COMMD1: variants seen among roughly 807,000 people sequenced by gnomAD.
The protein encoded by COMMD1 is COMM domain-containing protein 1.
COMMD1 carries 10 observed loss-of-function variants against 17.2 expected under a neutral mutation model. The observed-to-expected ratio is 0.58, with a 90% CI of 0.36 to 0.99. The LOEUF (loss-of-function observed/expected upper bound fraction) is 0.99. Ranked by LOEUF, COMMD1 falls within the 50% of genes least tolerant of loss-of-function variation. The pLI, the probability that COMMD1 is intolerant of heterozygous loss-of-function variation, is 0.01. For synonymous variants in COMMD1, 97 were observed against 91.6 expected, an observed-to-expected ratio of 1.06 and a Z score of -0.34; for missense variants, 270 against 231.8, an observed-to-expected ratio of 1.17 and a Z score of -1.07.
At chr2:61,944,757 C>T (rs1045200842) in intron 1 of COMMD1, among the ~76,000 whole-genome samples, 1 of 152,098 alleles carries the variant, frequency 6.6e-6, no homozygotes, top group Admixed American at 6.5e-5. Flanking sequence ...ATAAAGAAAA[C>T]AGGACATCCC....
At chr2:61,979,801 G>T (rs1413993254) in intron 1 of COMMD1, among the ~76,000 whole-genome samples, 3 of 147,892 alleles carry the variant, frequency 2.0e-5, no homozygotes, top group African/African-American at 7.5e-5. Flanking sequence ...ACATTGTGCA[G>T]GTTAGTTACA....
chr2:62,048,209 G>A (rs1268051590), intron 2 of COMMD1, among the ~76,000 whole-genome samples: 1 of 142,906 alleles, frequency 7.0e-6, no homozygotes, highest in East Asian at 2.0e-4. Context: ...TTGAGATGGA[G>A]TCTCGCTCTG....
intron 2 of COMMD1, among the ~76,000 whole-genome samples, chr2:62,008,358 A>C (rs1388639786): frequency 1.4e-5 from 2 of 145,738 alleles, no homozygotes; most frequent in Non-Finnish European, 3.0e-5. Flanking sequence ...ACACACACAG[A>C]CAGACACACA....
intron 1 of COMMD1, among the ~76,000 whole-genome samples, chr2:61,896,410 A>G (rs1294611041): frequency 6.6e-6 from 1 of 151,852 alleles, no homozygotes; most frequent in Admixed American, 6.6e-5. Context: ...ACATAGTGAG[A>G]TCCTGTCTCT....
intron 2 of COMMD1, among the ~76,000 whole-genome samples, chr2:62,016,398 C>T (rs1404847111): frequency 4.0e-5 from 6 of 150,294 alleles, no homozygotes; most frequent in Non-Finnish European, 8.9e-5. Context: ...TTTGTAGAGA[C>T]GGGGTTTTGC....
chr2:61,899,828 C>G (rs1669622698), intron 1 of COMMD1, among the ~76,000 whole-genome samples: 1 of 152,120 alleles, frequency 6.6e-6, no homozygotes, highest in Admixed American at 6.6e-5. Context: ...TGTGCCACCC[C>G]ACCCAGCTAA....
At chr2:62,075,075 G>C (rs902589075) in intron 2 of COMMD1, among the ~76,000 whole-genome samples, 3 of 151,840 alleles carry the variant, frequency 2.0e-5, no homozygotes, top group African/African-American at 7.3e-5. Context: ...TTTTAGTAGA[G>C]ACAGGGTTTC....
At chr2:62,033,962 A>T (rs1429147652) in intron 2 of COMMD1, among the ~76,000 whole-genome samples, 1 of 151,874 alleles carries the variant, frequency 6.6e-6, no homozygotes, top group Non-Finnish European at 1.5e-5. Flanking sequence ...TGTAAAAAAA[A>T]TAGCCAGGCT....
At chr2:62,078,852 G>A (rs898429199) in intron 2 of COMMD1, among the ~76,000 whole-genome samples, 2 of 151,672 alleles carry the variant, frequency 1.3e-5, no homozygotes, top group African/African-American at 2.4e-5. Flanking sequence ...ACTCCAGCCT[G>A]GGCAACAGAG....
chr2:61,888,408 G>A, upstream of COMMD1: 2 of 1,613,182 alleles, frequency 1.2e-6, no homozygotes, highest in Non-Finnish European at 1.7e-6. Flanking sequence ...TTGCTGAAGC[G>A]GATCTGGGCT....
chr2:62,073,819 C>T (rs1432712037), intron 2 of COMMD1, among the ~76,000 whole-genome samples: 1 of 152,188 alleles, frequency 6.6e-6, no homozygotes, highest in Non-Finnish European at 1.5e-5. Context: ...CTGCCTCAGC[C>T]TCCGAAGTAG....
chr2:61,967,862 TC>T (rs1671543948), intron 1 of COMMD1, among the ~76,000 whole-genome samples: 1 of 152,216 alleles, frequency 6.6e-6, no homozygotes, highest in Admixed American at 6.5e-5. Context: ...AACATTTTGC[TC>T]TATTTTAAGA....
intron 1 of COMMD1, among the ~76,000 whole-genome samples, chr2:61,952,681 A>G (rs558921463): frequency 6.6e-6 from 1 of 152,300 alleles, no homozygotes; most frequent in African/African-American, 2.4e-5. Context: ...TTTAAGTGAT[A>G]ACTCCAGTTT....
At chr2:61,982,065 A>G (rs534325336) in intron 1 of COMMD1, among the ~76,000 whole-genome samples, 34 of 152,296 alleles carry the variant, frequency 2.2e-4, no homozygotes, top group Admixed American at 9.8e-4. Flanking sequence ...GAATCTGTAG[A>G]TTGCTTTGCA....
intron 2 of COMMD1, chr2:62,055,500 A>G (rs1372104099): frequency 2.2e-6 from 1 of 455,888 alleles, no homozygotes; most frequent in Non-Finnish European, 4.4e-6. Context: ...GCGACCGGCT[A>G]TCCATTGAAG....
At chr2:61,970,575 C>T (rs910095455) in intron 1 of COMMD1, among the ~76,000 whole-genome samples, 3 of 152,054 alleles carry the variant, frequency 2.0e-5, no homozygotes, top group African/African-American at 7.2e-5. Flanking sequence ...AAGTTTGGTA[C>T]ATGTTTATTA....
At chr2:62,009,932 T>G (rs1464078931) in intron 2 of COMMD1, among the ~76,000 whole-genome samples, 1 of 152,138 alleles carries the variant, frequency 6.6e-6, no homozygotes, top group Admixed American at 6.5e-5. Context: ...AAATGTAAGT[T>G]TAATGCTTTT....
chr2:61,938,117 G>A (rs190330732), intron 1 of COMMD1, among the ~76,000 whole-genome samples: 70 of 152,232 alleles, frequency 4.6e-4, no homozygotes, highest in Non-Finnish European at 8.4e-4. Context: ...AGAATGTCGG[G>A]TGATGGTTCA....
chr2:61,930,065 T>C (rs548964511), intron 1 of COMMD1, among the ~76,000 whole-genome samples: 1 of 152,200 alleles, frequency 6.6e-6, no homozygotes, highest in Non-Finnish European at 1.5e-5. Flanking sequence ...TATGCCCAGA[T>C]TTATGAAAAG....
Sources: gnomAD v4.1 joint callset for allele counts (sites outside exome capture counted in the v4.1 genomes callset) on GRCh38, gnomAD v4.1.1 for gene constraint, MANE v1.5 for transcripts, NCBI Gene and HGNC (gene_info 2026-07-23, HGNC 2026-07-21) for gene names.